Variants in IQSEC1 observed in about 807,000 individuals in gnomAD.
IQSEC1 encodes the protein IQ motif and Sec7 domain ArfGEF 1.
In IQSEC1, 31 loss-of-function variants were observed where a neutral mutation model predicts 91.0. The ratio of observed to expected loss-of-function variants is 0.34; its 90% CI spans 0.26 to 0.46. IQSEC1 has a LOEUF of 0.46. Ranked by LOEUF, IQSEC1 falls within the 20% of genes least tolerant of loss-of-function variation. IQSEC1 has a pLI of 1.00. For synonymous variants in IQSEC1, 699 were observed against 662.6 expected (o/e 1.05, Z -0.84); for missense variants, 1,388 against 1,575.6 (o/e 0.88, Z 2.02).
At chr3:13,196,749 C>CGT (rs5846802) in intron 1 of IQSEC1, among the ~76,000 whole-genome samples, 14,383 of 148,350 alleles carry the variant, frequency 0.097, 821 homozygotes, top group Admixed American at 0.16. Context: ...CATGTGTGTG[C>CGT]GTGTGTGTGT....
At chr3:13,110,931 G>C (rs925902113) in intron 2 of IQSEC1, among the ~76,000 whole-genome samples, 2 of 152,176 alleles carry the variant, frequency 1.3e-5, no homozygotes, top group African/African-American at 2.4e-5. Context: ...GACGATGCCT[G>C]GGGGGAATTA....
rs115114693 is a variant in IQSEC1, at chr3:12,911,607, C to G, written c.2416+22G>C. On this transcript the variant is annotated intron_variant, in intron 10 of 13. Coordinates refer to ENST00000613206, the MANE Select transcript of IQSEC1 (RefSeq NM_001134382.3). ...AAGCTGGGACATGCGCTCTTCCAGG[C>G]AGGCCCTGGGGGCAGACTTACACTG... The G allele has an allele frequency of 2.9e-3, 4,574 of 1,559,834 alleles. 119 individuals are homozygous for G. The African/African-American group carries it at 0.055, about 19-fold the overall frequency.
chr3:13,261,383 G>A (rs1211897593), intron 1 of IQSEC1, among the ~76,000 whole-genome samples: 1 of 152,186 alleles, frequency 6.6e-6, no homozygotes. Context: ...TTGGCTATGG[G>A]AGGCCTCTGC....
At chr3:13,012,021 G>A (rs1702904862) in intron 1 of IQSEC1, among the ~76,000 whole-genome samples, 1 of 152,194 alleles carries the variant, frequency 6.6e-6, no homozygotes, top group Non-Finnish European at 1.5e-5. Context: ...TGGGCATGAG[G>A]CACCACCAGA....
chr3:13,133,617 G>A (rs781762760), intron 2 of IQSEC1, among the ~76,000 whole-genome samples: 5 of 152,220 alleles, frequency 3.3e-5, no homozygotes, highest in Admixed American at 1.3e-4. Context: ...GTAATTGGCC[G>A]CCTTTGAAGA....
chr3:12,913,430 C>A lies in IQSEC1; in HGVS notation c.2314G>T (p.Val772Leu), dbSNP rs1238452161. 2 of 1,594,180 alleles carry A rather than the reference C, an allele frequency of 1.3e-6. No homozygotes were observed. The highest frequency in any genetic ancestry group is 1.1e-5 in the South Asian group (1 of 89,214). Residue 772 changes from valine to leucine, a missense_variant and splice_region_variant, in exon 9 of 14, where the codon GTG becomes TTG. This residue lies in a region of IQSEC1 where 1,059 missense variants were observed against 1,317.8 expected (regional missense o/e 0.80). Coordinates refer to ENST00000613206, the MANE Select transcript of IQSEC1 (RefSeq NM_001134382.3). ...REIFLFNDLL[V>L]VTKIFQKKKN... ...TGCCTTGTGGGTGAGCCACATACCA[C>A]CAGGAGGTCGTTGAACAGGAAGATT...
At chr3:13,043,947 G>A (rs561096203) in intron 1 of IQSEC1, among the ~76,000 whole-genome samples, 10 of 152,178 alleles carry the variant, frequency 6.6e-5, no homozygotes, top group Non-Finnish European at 1.2e-4. Context: ...CATCCCCAGA[G>A]GTGTGCACAC....
intron 1 of IQSEC1, among the ~76,000 whole-genome samples, chr3:13,260,212 C>T (rs1210776250): frequency 6.6e-6 from 1 of 152,166 alleles, no homozygotes; most frequent in Non-Finnish European, 1.5e-5. Context: ...TTGCAACCCT[C>T]AAGCCCAGAG....
intron 2 of IQSEC1, among the ~76,000 whole-genome samples, chr3:13,114,976 G>A (rs550046443): frequency 3.9e-5 from 6 of 152,230 alleles, no homozygotes; most frequent in African/African-American, 1.4e-4. Context: ...GGGTGAGTGA[G>A]GCAGGACAAG....
In IQSEC1 at chr3:13,169,330, G is replaced by A. The variant is rs141261658; in HGVS notation, c.273-5197C>T. ...CTCCTCCTTGCCTTCTGCTATGATT[G>A]TGAGGCCTCCCTAGCCATGTGGAAC... is the stretch of plus-strand genomic sequence containing the variant. On this transcript the variant is annotated intron_variant, in intron 1 of 15. Transcript: ENST00000648114. 4.7e-3 allele frequency among the ~76,000 whole-genome samples: 710 copies of A among 152,304 alleles called. 9 individuals are homozygous for A. Among genetic ancestry groups the A allele is most frequent in the African/African-American group, 0.016 (680 of 41,566 alleles).
At chr3:13,109,433 G>A (rs916516532) in intron 2 of IQSEC1, among the ~76,000 whole-genome samples, 2 of 152,104 alleles carry the variant, frequency 1.3e-5, no homozygotes, top group African/African-American at 4.8e-5. Flanking sequence ...CACTCCCCGG[G>A]TCCAAAACTG....
chr3:12,920,299 C>G, intron 6 of IQSEC1, 131 bp downstream of exon 6: 1 of 896,400 alleles, frequency 1.1e-6, no homozygotes, highest in Non-Finnish European at 1.8e-6. Context: ...CCCCTCCATG[C>G]CAGACCCTGG....
At chr3:12,902,669 C>CAAAAAAAAAAAAAAAA in intron 13 of IQSEC1, 104 bp downstream of exon 13, 2 of 328,162 alleles carry the variant, frequency 6.1e-6, no homozygotes, top group Non-Finnish European at 1.0e-5. Context: ...AAAAAAAAAA[C>CAAAAAAAAAAAAAAAA]CAAAAAAAAA....
At chr3:13,130,302 C>T (rs1485226681) in intron 2 of IQSEC1, among the ~76,000 whole-genome samples, 1 of 145,854 alleles carries the variant, frequency 6.9e-6, no homozygotes, top group Non-Finnish European at 1.5e-5. Flanking sequence ...CGAGATTGTG[C>T]CACTGCACTG....
chr3:13,231,238 C>A (rs1458960490), intron 1 of IQSEC1, among the ~76,000 whole-genome samples: 1 of 152,178 alleles, frequency 6.6e-6, no homozygotes, highest in Non-Finnish European at 1.5e-5. Flanking sequence ...AAATAATACT[C>A]ATTTTCCATG....
At chr3:12,950,882 G>A (rs762805578) in intron 1 of IQSEC1, among the ~76,000 whole-genome samples, 7 of 151,822 alleles carry the variant, frequency 4.6e-5, no homozygotes, top group Admixed American at 6.6e-5. Context: ...TCCTGACCTC[G>A]TGATCCACCC....
intron 3 of IQSEC1, among the ~76,000 whole-genome samples, chr3:12,934,071 G>A (rs906582372): frequency 1.2e-4 from 19 of 152,178 alleles, no homozygotes; most frequent in Non-Finnish European, 1.8e-4. Context: ...CAGGAGCAGT[G>A]GGGACAGACT....
Position 12,924,397 on chromosome 3 carries a change from G to C in IQSEC1, c.1730+184C>G, listed in dbSNP as rs1696925795. Among the ~76,000 whole-genome samples the C allele has an allele frequency of 6.6e-6, 1 of 152,168 alleles. No individual in the cohort carries two copies. On this transcript the variant is annotated intron_variant, in intron 4 of 13. Transcript: ENST00000613206. The surrounding 1 kb of genome is among the most constrained non-coding windows in gnomAD (Gnocchi z 6.3). ...TGCATTGGAGGGCAGGTGCCCACCT[G>C]CGTGCTGGGCAGATGTGGGGCATCT...
chr3:12,913,202 C>T (rs1207410670), intron 9 of IQSEC1, among the ~76,000 whole-genome samples: 3 of 152,214 alleles, frequency 2.0e-5, no homozygotes, highest in African/African-American at 7.2e-5. Context: ...CTGACGTTGG[C>T]AGAGGCTCTG....
Sources: gnomAD v4.1 joint callset for allele counts (sites outside exome capture counted in the v4.1 genomes callset) on GRCh38, gnomAD v4.1.1 for gene constraint, gnomAD v4.1.1 regional missense constraint, Gnocchi (gnomAD v3.1) non-coding constraint, MANE v1.5 for transcripts, NCBI Gene and HGNC (gene_info 2026-07-23, HGNC 2026-07-21) for gene names.